The following GSE1 variants were observed in gnomAD, a reference collection of about 807,000 sequenced individuals.
The protein encoded by GSE1 is Gse1 coiled-coil protein.
A neutral mutation model predicts 112.6 loss-of-function variants in GSE1; 32 were observed. The observed-to-expected ratio is 0.28, with a 90% CI of 0.21 to 0.38. GSE1 has a LOEUF of 0.38. Ranked by LOEUF, GSE1 falls within the 10% of genes least tolerant of loss-of-function variation. GSE1 has a pLI of 1.00. For missense variants in GSE1, 2,348 were observed against 1,699.2 expected, an observed-to-expected ratio of 1.38 and a Z score of -6.71; for synonymous variants, 1,115 against 735.6, an observed-to-expected ratio of 1.52 and a Z score of -8.35.
At chr16:85,543,160 C>T (rs2044580842) in intron 2 of GSE1, among the ~76,000 whole-genome samples, 1 of 148,416 alleles carries the variant, frequency 6.7e-6, no homozygotes, top group South Asian at 2.1e-4. Context: ...TACAGTGAGC[C>T]GAGATTGTGC....
intron 1 of GSE1, among the ~76,000 whole-genome samples, chr16:85,221,314 A>G (rs9929906): frequency 0.3 from 35,259 of 115,782 alleles, 4,503 homozygotes; most frequent in Non-Finnish European, 0.38. Context: ...CCTAGCGCGC[A>G]CACACACACA....
chr16:85,632,818 C>A (rs559723994), intron 1 of GSE1, among the ~76,000 whole-genome samples: 23 of 152,316 alleles, frequency 1.5e-4, no homozygotes, highest in African/African-American at 5.3e-4. Flanking sequence ...AAGCCGGGAC[C>A]CTGTCTGTGG....
At chr16:85,475,370 T>C (rs1424763032) in intron 2 of GSE1, among the ~76,000 whole-genome samples, 1 of 152,162 alleles carries the variant, frequency 6.6e-6, no homozygotes, top group Non-Finnish European at 1.5e-5. Context: ...CACCAGCCCA[T>C]AGCCCAAAGG....
chr16:85,471,526 C>T (rs1189653987), intron 2 of GSE1, among the ~76,000 whole-genome samples: 1 of 152,084 alleles, frequency 6.6e-6, no homozygotes, highest in Non-Finnish European at 1.5e-5. Flanking sequence ...GATCCTCCTA[C>T]CTCAGCCTCC....
intron 1 of GSE1, among the ~76,000 whole-genome samples, chr16:85,335,238 C>A (rs8061198): frequency 6.6e-6 from 1 of 152,208 alleles, no homozygotes; most frequent in Non-Finnish European, 1.5e-5. Context: ...GCTCTGAGCC[C>A]GGGGGTGAGC....
At position 85,661,429 on chromosome 16, in the gene GSE1, G is replaced by A. The variant is rs1408094470; in HGVS notation, c.1924G>A (p.Glu642Lys). Residue 642 changes from glutamate to lysine, a missense_variant, in exon 9 of 16, where the codon GAG becomes AAG. Glu to Lys is a moderately conservative substitution (Grantham distance 56). Coordinates refer to ENST00000253458, the MANE Select transcript of GSE1 (RefSeq NM_014615.5). Reference sequence around the variant, plus strand: ...AGCAGAGGAGGGGCCACGGAAGCGTGAGCCTGCCCCTCTGGACAAGTACCA... The same window carrying A: ...AGCAGAGGAGGGGCCACGGAAGCGTAAGCCTGCCCCTCTGGACAAGTACCA... ...EKAEEGPRKR[E>K]PAPLDKYQPP... 6 of 1,612,116 alleles carry A rather than the reference G, an allele frequency of 3.7e-6. No homozygotes were observed. Among genetic ancestry groups the A allele is most frequent in the Non-Finnish European group, 5.1e-6 (6 of 1,179,628 alleles).
chr16:85,282,026 C>T (rs375371911), intron 1 of GSE1, among the ~76,000 whole-genome samples: 2 of 150,568 alleles, frequency 1.3e-5, no homozygotes, highest in African/African-American at 2.5e-5. Context: ...GCTATGTTTT[C>T]TTTTCTTTTT....
Position 85,613,914 on chromosome 16 carries a change from TCCCCTC to T in GSE1, c.7+526_7+531del, listed in dbSNP as rs1422463103. On this transcript the variant is annotated intron_variant, in intron 1 of 15. Transcript: ENST00000253458. ...GCGCCGGTTAGGGTTCTTGTCTTGCTCCCCTCCCCCTCCCCGACCCCTTGTCTCGGG... is the reference window on the plus strand; with the variant it reads ...GCGCCGGTTAGGGTTCTTGTCTTGCTCCCCTCCCCGACCCCTTGTCTCGGG... 2.8e-5 allele frequency among the ~76,000 whole-genome samples: 4 copies of T among 145,102 alleles called. No homozygotes were observed. The East Asian group carries it at 8.3e-4, about 30-fold the overall frequency.
intron 1 of GSE1, among the ~76,000 whole-genome samples, chr16:85,633,448 G>A (rs535761912): frequency 3.9e-5 from 6 of 152,218 alleles, no homozygotes; most frequent in East Asian, 1.9e-4. Flanking sequence ...TGCTTGTCGC[G>A]TCAGTGGCCA....
intron 2 of GSE1, among the ~76,000 whole-genome samples, chr16:85,494,052 C>T (rs906586614): frequency 1.4e-4 from 21 of 152,218 alleles, no homozygotes; most frequent in African/African-American, 4.3e-4. Flanking sequence ...CCCGCCTGGG[C>T]GATAAAGTAA....
At chr16:85,439,760 C>G (rs12598062) in intron 2 of GSE1, among the ~76,000 whole-genome samples, 2 of 151,000 alleles carry the variant, frequency 1.3e-5, no homozygotes, top group East Asian at 2.0e-4. Flanking sequence ...TGCACACACA[C>G]AGACACACAC....
chr16:85,295,165 A>G (rs572481811), intron 1 of GSE1, among the ~76,000 whole-genome samples: 33 of 152,076 alleles, frequency 2.2e-4, no homozygotes, highest in East Asian at 1.5e-3. Context: ...GAAACCCCAC[A>G]CTCACCCAGC....
chr16:85,273,011 G>A (rs368865139), intron 1 of GSE1, among the ~76,000 whole-genome samples: 3 of 152,198 alleles, frequency 2.0e-5, no homozygotes, highest in South Asian at 2.1e-4. Context: ...CCCGACCTCA[G>A]GTGATCTGCC....
intron 2 of GSE1, among the ~76,000 whole-genome samples, chr16:85,465,148 T>C (rs1175478462): frequency 1.3e-5 from 2 of 152,246 alleles, no homozygotes; most frequent in Non-Finnish European, 2.9e-5. Context: ...GTCACTCCGA[T>C]ATCCAGGAGT....
At chr16:85,517,125 G>A (rs2151943290) in intron 2 of GSE1, among the ~76,000 whole-genome samples, 1 of 152,300 alleles carries the variant, frequency 6.6e-6, no homozygotes, top group East Asian at 1.9e-4. Context: ...TTCCTGGTGG[G>A]TGGGGGCTTC....
intron 1 of GSE1, among the ~76,000 whole-genome samples, chr16:85,560,981 A>T (rs1402513101): frequency 6.6e-6 from 1 of 151,818 alleles, no homozygotes; most frequent in Non-Finnish European, 1.5e-5. Flanking sequence ...ATGCAGAAAC[A>T]ATTAGTCGAT....
chr16:85,538,147 C>T (rs140947198), intron 2 of GSE1, among the ~76,000 whole-genome samples: 6 of 152,226 alleles, frequency 3.9e-5, no homozygotes, highest in African/African-American at 1.2e-4. Context: ...AAGAGAGGCA[C>T]GCTGGCCGTT....
intron 2 of GSE1, among the ~76,000 whole-genome samples, chr16:85,393,716 G>T (rs1034101415): frequency 6.6e-6 from 1 of 152,222 alleles, no homozygotes; most frequent in African/African-American, 2.4e-5. Context: ...GGCAGCAGGC[G>T]GTTCAGGGTT....
chr16:85,462,684 G>A (rs1597826899), intron 2 of GSE1, among the ~76,000 whole-genome samples: 1 of 139,762 alleles, frequency 7.2e-6, no homozygotes, highest in East Asian at 2.2e-4. Context: ...GGGGGAGGGC[G>A]GCGGGGGCGC....
Sources: allele counts gnomAD v4.1 joint callset (sites outside exome capture counted in the v4.1 genomes callset), GRCh38; gene constraint gnomAD v4.1.1; transcripts MANE v1.5; gene names NCBI Gene and HGNC (gene_info 2026-07-23, HGNC 2026-07-21).